The following SAMMSON variants were observed in gnomAD, a reference collection of about 807,000 sequenced individuals.
SAMMSON encodes the protein survival associated mitochondrial melanoma specific oncogenic non-coding RNA.
chr3:70,062,014 G>C (rs1362956606), intron 3 of SAMMSON, among the ~76,000 whole-genome samples: 1 of 151,932 alleles, frequency 6.6e-6, no homozygotes, highest in African/African-American at 2.4e-5. Flanking sequence ...TTGATCCCTG[G>C]CCTTAGTCTT....
At chr3:70,303,509 G>A (rs745773259) in intron 7 of SAMMSON, among the ~76,000 whole-genome samples, 15 of 152,102 alleles carry the variant, frequency 9.9e-5, no homozygotes, top group Non-Finnish European at 2.1e-4. Flanking sequence ...TGATTCTCCT[G>A]AACCTAGATT....
At chr3:70,102,394 A>G (rs1322271085) in intron 4 of SAMMSON, among the ~76,000 whole-genome samples, 1 of 152,208 alleles carries the variant, frequency 6.6e-6, no homozygotes, top group Admixed American at 6.5e-5. Context: ...TGAACATATA[A>G]CATACTGAAG....
At chr3:70,429,772 A>T (rs755893954) in intron 2 of SAMMSON, among the ~76,000 whole-genome samples, 2 of 151,872 alleles carry the variant, frequency 1.3e-5, no homozygotes, top group East Asian at 3.9e-4. Context: ...TCTGTCTACT[A>T]CTGGTGTATA....
chr3:70,038,287 T>G (rs1006782569), intron 3 of SAMMSON, among the ~76,000 whole-genome samples: 3 of 152,140 alleles, frequency 2.0e-5, no homozygotes, highest in African/African-American at 7.2e-5. Flanking sequence ...CAGGAAAGAT[T>G]ATTTCCCACA....
chr3:70,125,763 T>A, intron 4 of SAMMSON: 1 of 659,492 alleles, frequency 1.5e-6, no homozygotes, highest in South Asian at 1.7e-5. Context: ...ACATATCCTT[T>A]ATTTTTCTCT....
rs527963713 is a variant in SAMMSON, at chr3:70,343,318, G to A, written n.740-10857G>A. Among the ~76,000 whole-genome samples, 149 of 150,874 alleles carry A rather than the reference G, an allele frequency of 9.9e-4. 1 individual carries two copies. Among genetic ancestry groups the A allele is most frequent in the Non-Finnish European group, 1.6e-3 (109 of 67,688 alleles). On this transcript the variant is annotated intron_variant and non_coding_transcript_variant, in intron 7 of 9. Transcript: ENST00000642114. ...TAATATTAACTAAAGGTTCTTTTTCGGTTCCAGGATGTCATATAGGATACC... is the reference window on the plus strand; with the variant it reads ...TAATATTAACTAAAGGTTCTTTTTCAGTTCCAGGATGTCATATAGGATACC...
intron 6 of SAMMSON, among the ~76,000 whole-genome samples, chr3:70,288,147 T>G (rs1023533091): frequency 1.4e-5 from 2 of 145,228 alleles, no homozygotes; most frequent in Non-Finnish European, 3.0e-5. Flanking sequence ...TTAATTGTGA[T>G]GTTAGGGTGT....
chr3:70,356,896 C>A (rs369091534), intron 8 of SAMMSON, among the ~76,000 whole-genome samples: 20 of 152,020 alleles, frequency 1.3e-4, no homozygotes, highest in African/African-American at 4.8e-4. Context: ...TTATCCCAGG[C>A]AATTACTGTG....
At chr3:70,051,656 G>A (rs1482299079) in intron 3 of SAMMSON, among the ~76,000 whole-genome samples, 2 of 151,666 alleles carry the variant, frequency 1.3e-5, no homozygotes, top group Non-Finnish European at 1.5e-5. Context: ...TATATAACTA[G>A]CATCTTTTTG....
At chr3:70,300,515 A>T (rs1217309850) in intron 7 of SAMMSON, among the ~76,000 whole-genome samples, 2 of 152,006 alleles carry the variant, frequency 1.3e-5, no homozygotes, top group African/African-American at 4.8e-5. Context: ...ATATACATAC[A>T]TATATATTAT....
At position 70,012,744 on chromosome 3, in the gene SAMMSON, T is replaced by C. The variant is rs576542249; in HGVS notation, n.264+146T>C. ...ACCCAGTGAAATCAGAAGACATGAA[T>C]TGGGCCAGACTGTAGAAGGTGCAAC... On this transcript the variant is annotated intron_variant and non_coding_transcript_variant, in intron 2 of 9. Coordinates refer to ENST00000642114, the Ensembl canonical transcript of SAMMSON. The C allele has an allele frequency of 3.9e-5, 6 of 152,282 alleles. No individual in the cohort carries two copies. The East Asian group carries it at 5.8e-4, about 15-fold the overall frequency. 9.4% of individuals were successfully genotyped at this position (152,282 alleles called of 1,614,324 possible).
chr3:70,239,142 C>T (rs564899343), intron 4 of SAMMSON, among the ~76,000 whole-genome samples: 17 of 152,116 alleles, frequency 1.1e-4, no homozygotes, highest in Non-Finnish European at 2.1e-4. Flanking sequence ...CAGTTCTATT[C>T]AATTTGCAAT....
intron 4 of SAMMSON, among the ~76,000 whole-genome samples, chr3:70,237,819 A>G (rs772938588): frequency 1.3e-5 from 2 of 152,184 alleles, no homozygotes; most frequent in African/African-American, 2.4e-5. Flanking sequence ...GGACAAAGGC[A>G]GAGTATTTTT....
chr3:70,157,178 T>C (rs1393967037), intron 4 of SAMMSON, among the ~76,000 whole-genome samples: 1 of 152,132 alleles, frequency 6.6e-6, no homozygotes, highest in Non-Finnish European at 1.5e-5. Context: ...TTTTATTTAT[T>C]CCACAATCTC....
At chr3:70,017,089 T>C (rs2066989352) in intron 3 of SAMMSON, among the ~76,000 whole-genome samples, 1 of 152,166 alleles carries the variant, frequency 6.6e-6, no homozygotes, top group Non-Finnish European at 1.5e-5. Flanking sequence ...TGGTTCTATA[T>C]GAACTTTAAA....
At chr3:70,003,843 T>G (rs1198100267) in intron 1 of SAMMSON, among the ~76,000 whole-genome samples, 2 of 152,070 alleles carry the variant, frequency 1.3e-5, no homozygotes, top group Non-Finnish European at 2.9e-5. Context: ...TCTAGTCTTT[T>G]AGAATGAAAA....
At chr3:70,255,311 T>C (rs6549310) in intron 6 of SAMMSON, among the ~76,000 whole-genome samples, 150,508 of 152,372 alleles carry the variant, frequency 0.99, 74,348 homozygotes, top group Non-Finnish European at 1. Context: ...ACTGTGATTT[T>C]ATAGTCAGTA....
chr3:70,190,705 T>C (rs933514069), intron 4 of SAMMSON, among the ~76,000 whole-genome samples: 4 of 152,248 alleles, frequency 2.6e-5, no homozygotes, highest in African/African-American at 9.6e-5. Context: ...TGTATATTGT[T>C]GCTTGGAGTG....
chr3:70,183,658 A>C (rs901219222), intron 4 of SAMMSON: 2 of 152,190 alleles, frequency 1.3e-5, no homozygotes, highest in African/African-American at 4.8e-5. Context: ...GGGGTGTCCA[A>C]ATTGTGACAG....
Sources: allele counts gnomAD v4.1 joint callset (sites outside exome capture counted in the v4.1 genomes callset), GRCh38; gene constraint gnomAD v4.1.1; transcripts MANE v1.5; gene names NCBI Gene and HGNC (gene_info 2026-07-23, HGNC 2026-07-21).